HTR1F: variants seen among roughly 807,000 people sequenced by gnomAD.
HTR1F encodes the protein 5-hydroxytryptamine receptor 1F.
HTR1F carries 17 observed loss-of-function variants against 24.0 expected under a neutral mutation model. That is an observed-to-expected ratio of 0.71 (90% CI 0.48 to 1.06). HTR1F has a LOEUF of 1.06. HTR1F is among the 50% of genes least tolerant of loss of function. The probability of loss-of-function intolerance (pLI) is 0.00; values close to 1 mark genes in which losing one functional copy is unlikely to be tolerated. For synonymous variants in HTR1F, 186 were observed against 156.8 expected (o/e 1.19, Z -1.39); for missense variants, 391 against 427.8 (o/e 0.91, Z 0.76).
At chr3:87,803,881 A>T (rs1704032753) in intron 1 of HTR1F, among the ~76,000 whole-genome samples, 2 of 152,182 alleles carry the variant, frequency 1.3e-5, no homozygotes, top group South Asian at 4.1e-4. Context: ...AGGGTGGACA[A>T]GAAGGATTAT....
intron 2 of HTR1F, among the ~76,000 whole-genome samples, chr3:87,894,457 T>A (rs1470258721): frequency 6.6e-6 from 1 of 151,862 alleles, no homozygotes; most frequent in African/African-American, 2.4e-5. Flanking sequence ...AGGGTTTCAC[T>A]ATATTAGCCA....
At chr3:87,921,949 A>G (rs1004832787) in intron 2 of HTR1F, among the ~76,000 whole-genome samples, 1 of 151,948 alleles carries the variant, frequency 6.6e-6, no homozygotes, top group Admixed American at 6.6e-5. Flanking sequence ...ACTGAGGTTG[A>G]TTCCATCTTT....
chr3:87,937,885 C>A (rs188010099), intron 2 of HTR1F, among the ~76,000 whole-genome samples: 1 of 150,138 alleles, frequency 6.7e-6, no homozygotes, highest in African/African-American at 2.5e-5. Context: ...GATCGTGCCA[C>A]TGCACTCCAG....
chr3:87,931,892 G>A (rs1704282540), intron 2 of HTR1F, among the ~76,000 whole-genome samples: 1 of 150,536 alleles, frequency 6.6e-6, no homozygotes, highest in Non-Finnish European at 1.5e-5. Context: ...TTTTGATGGG[G>A]TTGTTTTTTT....
At chr3:87,884,222 A>G (rs1705881354) in intron 2 of HTR1F, among the ~76,000 whole-genome samples, 3 of 152,198 alleles carry the variant, frequency 2.0e-5, no homozygotes, top group Admixed American at 2.0e-4. Flanking sequence ...TTTCACCCAG[A>G]ATTTTATACC....
chr3:87,881,844 C>A (rs1705809851), intron 2 of HTR1F, among the ~76,000 whole-genome samples: 1 of 152,116 alleles, frequency 6.6e-6, no homozygotes, highest in Admixed American at 6.5e-5. Flanking sequence ...GCAACAAAAG[C>A]CACAATTGAC....
At chr3:87,883,559 G>T (rs184311790) in intron 2 of HTR1F, among the ~76,000 whole-genome samples, 17 of 152,134 alleles carry the variant, frequency 1.1e-4, no homozygotes, top group Non-Finnish European at 4.4e-5. Context: ...CCATCGCAAA[G>T]AAACTAAAAA....
chr3:87,957,391 C>T (rs956039878), intron 2 of HTR1F, among the ~76,000 whole-genome samples: 39 of 151,382 alleles, frequency 2.6e-4, no homozygotes, highest in African/African-American at 8.9e-4. Context: ...TTTAATTTCA[C>T]GGAGAGAGTG....
At chr3:87,862,906 T>A (rs913496004) in intron 2 of HTR1F, among the ~76,000 whole-genome samples, 5 of 152,114 alleles carry the variant, frequency 3.3e-5, no homozygotes, top group African/African-American at 1.2e-4. Context: ...AACCTCTGCC[T>A]CCTAGATTCA....
chr3:87,915,457 A>G lies in HTR1F; in HGVS notation c.-42-75251A>G, dbSNP rs1703872831. 2.0e-5 allele frequency among the ~76,000 whole-genome samples: 3 copies of G among 152,180 alleles called. No homozygotes were observed. In the South Asian group the frequency reaches 6.2e-4, roughly 32 times the overall value. On this transcript the variant is annotated intron_variant, in intron 2 of 2. Transcript: ENST00000319595. Reference sequence around the variant, plus strand: ...CAATGCAAGGAAACCCAAAAAAACGATACAAGAAGTGAAGGGAGAAATATT... The same window carrying G: ...CAATGCAAGGAAACCCAAAAAAACGGTACAAGAAGTGAAGGGAGAAATATT...
In HTR1F at chr3:87,990,419, T is replaced by A. The variant is rs139128396; in HGVS notation, c.-42-289T>A. Among the ~76,000 whole-genome samples, 100 of 152,282 alleles carry A rather than the reference T, an allele frequency of 6.6e-4. 1 individual carries two copies. The highest frequency in any genetic ancestry group is 2.2e-3 in the African/African-American group (92 of 41,566). On this transcript the variant is annotated intron_variant, in intron 2 of 2. Coordinates refer to ENST00000319595, the MANE Select transcript of HTR1F (RefSeq NM_001322209.2). ...GACATGGACAAAGAGAAAAACCAATTCTATAATGGCAGAGATTTCACTGAG... is the reference window on the plus strand; with the variant it reads ...GACATGGACAAAGAGAAAAACCAATACTATAATGGCAGAGATTTCACTGAG...
chr3:87,862,166 G>C (rs1705332696), intron 2 of HTR1F, among the ~76,000 whole-genome samples: 3 of 151,980 alleles, frequency 2.0e-5, no homozygotes, highest in Admixed American at 2.0e-4. Context: ...ATGTTCTTTT[G>C]CATTTTTCTG....
chr3:87,930,726 G>A (rs567138025), intron 2 of HTR1F, among the ~76,000 whole-genome samples: 1 of 151,912 alleles, frequency 6.6e-6, no homozygotes, highest in South Asian at 2.1e-4. Context: ...TATAGACTTG[G>A]TGAGGATTAA....
In HTR1F at chr3:87,797,030, C is replaced by T. The variant is rs568183857; in HGVS notation, c.-160+4188C>T. 8.7e-4 allele frequency among the ~76,000 whole-genome samples: 133 copies of T among 152,174 alleles called. 2 individuals carry two copies. Among genetic ancestry groups the T allele is most frequent in the Middle Eastern group, 6.8e-3 (2 of 294 alleles). On this transcript the variant is annotated intron_variant, in intron 1 of 2. Transcript: ENST00000319595. ...TTTCACTTTCCCTAGTTTCAGTTAC[C>T]GGCAGTCAACCGCAGTCTAAAAATG...
intron 2 of HTR1F, among the ~76,000 whole-genome samples, chr3:87,843,500 ACTTT>A (rs774337524): frequency 5.4e-5 from 8 of 146,938 alleles, no homozygotes; most frequent in South Asian, 2.1e-4. Context: ...CACCATCCTG[ACTTT>A]CTTTTTCTTT....
chr3:87,825,482 T>C (rs1201080332), intron 2 of HTR1F, among the ~76,000 whole-genome samples: 8 of 152,196 alleles, frequency 5.3e-5, no homozygotes, highest in Admixed American at 5.2e-4. Flanking sequence ...ATTCTGTATG[T>C]TGTTTGATGG....
Position 87,843,560 on chromosome 3 carries a change from G to A in HTR1F, c.-43+21436G>A, listed in dbSNP as rs961406297. On this transcript the variant is annotated intron_variant, in intron 2 of 2. Transcript: ENST00000319595. ...TTTTATTATTATACTTTAAGTTTTA[G>A]GGTACATGTGCACATTGTGCAGGTT... Among the ~76,000 whole-genome samples, 6 of 148,426 alleles carry A rather than the reference G, an allele frequency of 4.0e-5. 1 individual carries two copies. Among genetic ancestry groups the A allele is most frequent in the African/African-American group, 1.3e-4 (5 of 39,712 alleles).
chr3:87,965,549 A>G (rs545404794), intron 2 of HTR1F, among the ~76,000 whole-genome samples: 1 of 152,342 alleles, frequency 6.6e-6, no homozygotes, highest in East Asian at 1.9e-4. Flanking sequence ...CCATACAGTT[A>G]AAAAGCCTTT....
chr3:87,906,670 T>C (rs1056461817), intron 2 of HTR1F, among the ~76,000 whole-genome samples: 6 of 151,994 alleles, frequency 3.9e-5, no homozygotes, highest in African/African-American at 1.4e-4. Context: ...ACCCAATGTG[T>C]AGTCTTTTAT....
Sources: allele counts gnomAD v4.1 joint callset (sites outside exome capture counted in the v4.1 genomes callset), GRCh38; gene constraint gnomAD v4.1.1; transcripts MANE v1.5; gene names NCBI Gene and HGNC (gene_info 2026-07-23, HGNC 2026-07-21).